HDHD5: variants seen among roughly 807,000 people sequenced by gnomAD.
The protein encoded by HDHD5 is haloacid dehalogenase like hydrolase domain containing 5.
HDHD5 carries 34 observed loss-of-function variants against 35.5 expected under a neutral mutation model. The observed-to-expected ratio is 0.96, with a 90% confidence interval of 0.73 to 1.28. The LOEUF is 1.28. Ranked by LOEUF, HDHD5 falls within the 50% of genes most tolerant of loss-of-function variation. The pLI, the probability that HDHD5 is intolerant of heterozygous loss-of-function variation, is 0.00. For synonymous variants in HDHD5, 248 were observed against 240.6 expected, an observed-to-expected ratio of 1.03 and a Z score of -0.29; for missense variants, 589 against 560.2, an observed-to-expected ratio of 1.05 and a Z score of -0.52.
chr22:17,159,087 G>C (rs1489586719), intron 1 of HDHD5, 39 bp downstream of exon 1: 1 of 1,237,350 alleles, frequency 8.1e-7, no homozygotes, highest in Non-Finnish European at 1.0e-6. Context: ...CTCCGGCCCT[G>C]AGTGGCGAGT....
In HDHD5 at chr22:17,148,496, T is replaced by C; in HGVS notation, c.395A>G (p.Lys132Arg). Reference protein sequence around the residue: ...PMKLFSEYHEKRMLVSGQGPV... With the variant: ...PMKLFSEYHERRMLVSGQGPV... ...CCCCTGTCCAGACACCAGCATCCGC[T>C]TCTCATGGTACTCGGAGAAGAGCTT... Residue 132 changes from lysine to arginine, a missense_variant, in exon 3 of 8, where the codon AAG becomes AGG. Coordinates refer to ENST00000336737, the MANE Select transcript of HDHD5 (RefSeq NM_033070.3). The C allele has an allele frequency of 6.2e-7, 1 of 1,614,162 alleles. No individual in the cohort carries two copies. Among genetic ancestry groups the C allele is most frequent in the Non-Finnish European group, 8.5e-7 (1 of 1,180,042 alleles).
At chr22:17,146,125 C>T (rs534918390) in intron 3 of HDHD5, among the ~76,000 whole-genome samples, 18 of 152,168 alleles carry the variant, frequency 1.2e-4, no homozygotes, top group Admixed American at 7.8e-4. Context: ...CCAAGGTTCC[C>T]GACAACCTGG....
upstream of HDHD5, among the ~76,000 whole-genome samples, chr22:17,159,997 G>A (rs1217095537): frequency 2.6e-5 from 4 of 152,254 alleles, no homozygotes; most frequent in Non-Finnish European, 5.9e-5. Context: ...GACTCCGTCC[G>A]TGGAGGCCCT....
chr22:17,142,348 C>G (rs148781579), intron 5 of HDHD5: 8 of 152,362 alleles, frequency 5.3e-5, no homozygotes, highest in Non-Finnish European at 1.5e-5. Context: ...CATACAATCA[C>G]AAAGCATTTT....
chr22:17,156,559 G>A (rs975909293), intron 1 of HDHD5, among the ~76,000 whole-genome samples: 8 of 152,108 alleles, frequency 5.3e-5, no homozygotes, highest in Admixed American at 3.3e-4. Context: ...GGCAGATCAC[G>A]AGGTTAGGAG....
At chr22:17,146,368 C>T (rs1168445083) in intron 3 of HDHD5, among the ~76,000 whole-genome samples, 97 of 151,018 alleles carry the variant, frequency 6.4e-4, no homozygotes, top group Non-Finnish European at 4.6e-4. Flanking sequence ...CTGTGACGCC[C>T]TCCTGTGAGC....
intron 4 of HDHD5, among the ~76,000 whole-genome samples, chr22:17,144,101 A>T (rs1223847910): frequency 2.6e-5 from 4 of 152,200 alleles, no homozygotes; most frequent in Admixed American, 6.5e-5. Context: ...TGCTAACTTC[A>T]CAATGGCCAG....
intron 4 of HDHD5, among the ~76,000 whole-genome samples, chr22:17,144,260 CT>C (rs35703354): frequency 1.8e-3 from 262 of 145,556 alleles, no homozygotes; most frequent in Middle Eastern, 3.6e-3. Context: ...GGGCTTTTTC[CT>C]TTTTTTTTTT....
At chr22:17,142,733 G>A (rs2061612951) in intron 5 of HDHD5, 1 of 215,722 alleles carries the variant, frequency 4.6e-6, no homozygotes, top group African/African-American at 2.4e-5. Context: ...GTGTACAGAA[G>A]TTATATTACC....
Position 17,141,222 on chromosome 22 carries a change from G to A in HDHD5, c.583C>T (p.Leu195=), listed in dbSNP as rs770394047. The change falls in exon 6 of 8, where the codon CTA becomes TTA. Residue 195 remains leucine (L), a synonymous_variant. Coordinates refer to ENST00000336737, the MANE Select transcript of HDHD5 (RefSeq NM_033070.3). ...DFPRIEGVLL[L]GEPVRWETSL... ...GTCTCCCAGCGGACCGGCTCCCCTA[G>A]GAGGAGCACCCCTTTAAAGAACAGA... 1 of 1,593,422 alleles carries A rather than the reference G, an allele frequency of 6.3e-7. No homozygotes were observed. Among genetic ancestry groups the A allele is most frequent in the Non-Finnish European group, 8.5e-7 (1 of 1,171,138 alleles).
upstream of HDHD5, chr22:17,159,832 T>A: frequency 3.7e-6 from 1 of 270,956 alleles, no homozygotes; most frequent in South Asian, 3.0e-5. Context: ...ACGAATGTAG[T>A]ACAAGGTACA....
upstream of HDHD5, chr22:17,159,811 G>A (rs2123883734): frequency 3.5e-6 from 1 of 281,750 alleles, no homozygotes; most frequent in Non-Finnish European, 6.9e-6. Flanking sequence ...GCACTGCGGA[G>A]AGGTAGAGGC....
Position 17,137,996 on chromosome 22 carries a change from C to T in HDHD5, c.*25G>A, listed in dbSNP as rs1395207985. Reference sequence around the variant, plus strand: ...GGACTCGCCCACAGGTCCAGGCTCACCCCCTCACCTCCACCGCACTGCCCT... The same window carrying T: ...GGACTCGCCCACAGGTCCAGGCTCATCCCCTCACCTCCACCGCACTGCCCT... On this transcript the variant is annotated 3_prime_UTR_variant, in exon 8 of 8. Coordinates refer to ENST00000336737, the MANE Select transcript of HDHD5 (RefSeq NM_033070.3). 6.3e-7 allele frequency: 1 copy of T among 1,577,362 alleles called. No individual in the cohort carries two copies. Among genetic ancestry groups the T allele is most frequent in the Non-Finnish European group, 8.7e-7 (1 of 1,153,748 alleles).
chr22:17,161,833 G>A (rs2061865479), upstream of HDHD5, among the ~76,000 whole-genome samples: 1 of 149,298 alleles, frequency 6.7e-6, no homozygotes, highest in Non-Finnish European at 1.5e-5. Context: ...AGCCAAGATT[G>A]TGCCACTACA....
chr22:17,142,220 C>T (rs568784931), intron 5 of HDHD5: 1 of 152,110 alleles, frequency 6.6e-6, no homozygotes, highest in Non-Finnish European at 1.5e-5. Flanking sequence ...TACAAAACAA[C>T]AAGAAGAAAA....
chr22:17,154,500 CA>C (rs1269795711), intron 1 of HDHD5, among the ~76,000 whole-genome samples: 2 of 150,740 alleles, frequency 1.3e-5, no homozygotes, highest in African/African-American at 4.9e-5. Context: ...TAAATAAAAA[CA>C]AAAAATAAAT....
At position 17,148,692 on chromosome 22, in the gene HDHD5, C is replaced by G. The variant is rs2061693334; in HGVS notation, c.331-132G>C. On this transcript the variant is annotated intron_variant, in intron 2 of 7. Coordinates refer to ENST00000336737, the MANE Select transcript of HDHD5 (RefSeq NM_033070.3). ...CAGAAAAAGAACGGGGAGGAAAGCC[C>G]TTTCTAGCACCCAGCAGCACTTCTG... 4 of 677,472 alleles carry G rather than the reference C, an allele frequency of 5.9e-6. No individual in the cohort carries two copies. The South Asian group carries it at 6.8e-5, about 11-fold the overall frequency. 42.0% of individuals were successfully genotyped at this position (677,472 alleles called of 1,614,324 possible).
chr22:17,154,603 A>G (rs1486138692), intron 1 of HDHD5, among the ~76,000 whole-genome samples: 1 of 146,458 alleles, frequency 6.8e-6, no homozygotes, highest in Non-Finnish European at 1.5e-5. Context: ...TATGTTCAGA[A>G]TGTCCTTATT....
At chr22:17,155,024 A>G (rs1188285181) in intron 1 of HDHD5, among the ~76,000 whole-genome samples, 1 of 152,200 alleles carries the variant, frequency 6.6e-6, no homozygotes, top group Non-Finnish European at 1.5e-5. Flanking sequence ...CCACAAAAAA[A>G]GGAGGAGGGA....
Sources: allele counts gnomAD v4.1 joint callset (sites outside exome capture counted in the v4.1 genomes callset), GRCh38; gene constraint gnomAD v4.1.1; transcripts MANE v1.5; gene names NCBI Gene and HGNC (gene_info 2026-07-23, HGNC 2026-07-21).